The following COL4A4 variants were observed in gnomAD, a reference collection of about 807,000 sequenced individuals.
COL4A4 encodes the protein collagen alpha-4(IV) chain.
In COL4A4, 105 loss-of-function variants were observed where a neutral mutation model predicts 192.9. The observed-to-expected ratio is 0.54, with a 90% CI of 0.46 to 0.64. The LOEUF (loss-of-function observed/expected upper bound fraction) is 0.64. COL4A4 is among the 30% of genes least tolerant of loss of function. COL4A4 has a pLI of 0.00. For missense variants in COL4A4, 1,967 were observed against 2,169.3 expected (o/e 0.91, Z 1.85); for synonymous variants, 762 against 769.9 (o/e 0.99, Z 0.17).
chr2:227,149,195 A>G (rs1213750595), intron 1 of COL4A4, among the ~76,000 whole-genome samples: 2 of 152,100 alleles, frequency 1.3e-5, no homozygotes, highest in African/African-American at 4.8e-5. Context: ...AAATTAATTC[A>G]ATGCTGTATG....
At chr2:227,156,037 T>C (rs1241437912) in intron 1 of COL4A4, among the ~76,000 whole-genome samples, 1 of 147,916 alleles carries the variant, frequency 6.8e-6, no homozygotes, top group Non-Finnish European at 1.5e-5. Flanking sequence ...AATGTTTCTT[T>C]CCTTCCTTTC....
intron 22 of COL4A4, among the ~76,000 whole-genome samples, chr2:227,085,328 T>G (rs2059544014): frequency 6.6e-6 from 1 of 152,094 alleles, no homozygotes; most frequent in African/African-American, 2.4e-5. Context: ...GCAATAACCT[T>G]GTGTTCATAA....
intron 18 of COL4A4, 66 bp from the exon 19 acceptor site, chr2:227,098,864 T>G (rs946953726): frequency 9.1e-6 from 12 of 1,320,652 alleles, no homozygotes; most frequent in Non-Finnish European, 1.3e-5. Context: ...AAGACAACAA[T>G]TACTTTTTGT....
intron 2 of COL4A4, among the ~76,000 whole-genome samples, chr2:227,146,493 A>G (rs556540704): frequency 2.6e-5 from 4 of 152,188 alleles, no homozygotes; most frequent in Non-Finnish European, 5.9e-5. Flanking sequence ...TGTCATTTTG[A>G]GTCTCGTTGA....
chr2:227,156,745 G>A (rs2064386164), intron 1 of COL4A4, among the ~76,000 whole-genome samples: 1 of 152,048 alleles, frequency 6.6e-6, no homozygotes, highest in African/African-American at 2.4e-5. Flanking sequence ...CTTCAGGATA[G>A]GCAGTGACCC....
chr2:227,140,928 A>C (rs2125302777), intron 3 of COL4A4, among the ~76,000 whole-genome samples: 1 of 150,318 alleles, frequency 6.7e-6, no homozygotes, highest in East Asian at 2.0e-4. Flanking sequence ...CACACCCTTT[A>C]GGAAGAATCA....
At chr2:227,102,488 G>A (rs2060577717) in intron 15 of COL4A4, among the ~76,000 whole-genome samples, 1 of 152,126 alleles carries the variant, frequency 6.6e-6, no homozygotes, top group Non-Finnish European at 1.5e-5. Flanking sequence ...TCCTCAAATA[G>A]ACTTAAATTA....
At chr2:227,135,222 T>C (rs2062734780) in intron 4 of COL4A4, among the ~76,000 whole-genome samples, 1 of 145,412 alleles carries the variant, frequency 6.9e-6, no homozygotes, top group South Asian at 2.2e-4. Context: ...CATGGGCTGC[T>C]AGAGCCGAGG....
chr2:227,053,105 G>A (rs12992318), intron 31 of COL4A4, among the ~76,000 whole-genome samples: 2,110 of 151,550 alleles, frequency 0.014, 23 homozygotes, highest in Non-Finnish European at 0.023. Flanking sequence ...TAATTTCAAA[G>A]AACTAGTTTA....
chr2:227,072,591 A>T (rs1192616990), intron 25 of COL4A4, among the ~76,000 whole-genome samples: 1 of 151,890 alleles, frequency 6.6e-6, no homozygotes, highest in South Asian at 2.1e-4. Context: ...ACAGGAAAAG[A>T]TACACACACA....
In COL4A4 at chr2:227,028,004, C is replaced by A; in HGVS notation, c.3979G>T (p.Val1327Leu). ...GGTCCCTGCGGTCCCGGGAATCCCACTGGTCCTTAAAAAAAAACAAAACAT... is the reference window on the plus strand; with the variant it reads ...GGTCCCTGCGGTCCCGGGAATCCCAATGGTCCTTAAAAAAAAACAAAACAT... Reference protein sequence around the residue: ...CDGKDGQKGPVGFPGPQGPHG... With the variant: ...CDGKDGQKGPLGFPGPQGPHG... The change falls in exon 42 of 48, where the codon GTG (valine) becomes TTG (leucine). Residue 1327 changes from valine to leucine, a missense_variant. Physicochemically the swap from Val to Leu is conservative, Grantham distance 32. Transcript: ENST00000396625. The A allele has an allele frequency of 6.2e-7, 1 of 1,602,354 alleles. No homozygotes were observed.
chr2:227,014,028 A>C (rs1964365174), intron 44 of COL4A4, among the ~76,000 whole-genome samples: 1 of 152,228 alleles, frequency 6.6e-6, no homozygotes, highest in African/African-American at 2.4e-5. Context: ...AGCTAGCAAG[A>C]ATCGAAGATT....
chr2:226,973,599 G>A, the COL4A4 span, among the ~76,000 whole-genome samples: 1 of 152,194 alleles, frequency 6.6e-6, no homozygotes, highest in Non-Finnish European at 1.5e-5. Context: ...CCCTTAGCAA[G>A]GACCTCTCTA....
chr2:227,110,247 A>G (rs1045454277), intron 9 of COL4A4, among the ~76,000 whole-genome samples: 12 of 152,208 alleles, frequency 7.9e-5, no homozygotes, highest in Non-Finnish European at 1.5e-4. Context: ...TACTCTGTTT[A>G]GGAGGATGAA....
Position 227,147,465 on chromosome 2 carries a change from C to G in COL4A4, c.19G>C (p.Val7Leu). The change falls in exon 2 of 48, where the codon GTA becomes CTA. Residue 7 changes from valine to leucine, a missense_variant. Physicochemically the swap from Val to Leu is conservative, Grantham distance 32. Transcript: ENST00000396625. ...AATCTGAAGGAGCACCTCATTAGTA[C>G]TATGTGCAGAGACCACATCGCAGGC... MWSLHI[V>L]LMRCSFRLTK... 21 of 1,613,754 alleles carry G rather than the reference C, an allele frequency of 1.3e-5. No homozygotes were observed. The highest frequency in any genetic ancestry group is 1.7e-5 in the Non-Finnish European group (20 of 1,179,780).
chr2:227,101,533 G>T lies in COL4A4; in HGVS notation c.1000C>A (p.Pro334Thr). Residue 334 changes from proline to threonine, a missense_variant, in exon 17 of 48, where the codon CCT becomes ACT. Transcript: ENST00000396625. ...GGGCCAATTAATCCAAATAGCCCAG[G>T]ATCTCCAACCAGTCCTAGTTCTCCC... ...LKGELGLVGD[P>T]GLFGLIGPKG... 1 of 1,612,070 alleles carries T rather than the reference G, an allele frequency of 6.2e-7. No homozygotes were observed. The highest frequency in any genetic ancestry group is 8.5e-7 in the Non-Finnish European group (1 of 1,179,098).
Sources: gnomAD v4.1 joint callset for allele counts (sites outside exome capture counted in the v4.1 genomes callset) on GRCh38, gnomAD v4.1.1 for gene constraint, MANE v1.5 for transcripts, NCBI Gene and HGNC (gene_info 2026-07-23, HGNC 2026-07-21) for gene names.